The following FRK variants were observed in gnomAD, a reference collection of about 807,000 sequenced individuals.
FRK encodes the protein tyrosine-protein kinase FRK.
A neutral mutation model predicts 56.4 loss-of-function variants in FRK; 51 were observed. The ratio of observed to expected loss-of-function variants is 0.90; its 90% CI spans 0.72 to 1.14. The LOEUF (loss-of-function observed/expected upper bound fraction) is 1.14, where lower values mean the gene tolerates loss of function less well. Ranked by LOEUF, FRK falls within the 50% of genes most tolerant of loss-of-function variation. The pLI is 0.00. For synonymous variants in FRK, 245 were observed against 217.9 expected, an observed-to-expected ratio of 1.12 and a Z score of -1.10; for missense variants, 570 against 601.4, an observed-to-expected ratio of 0.95 and a Z score of 0.55.
At chr6:116,058,097 C>G (rs1483886338) in intron 1 of FRK, among the ~76,000 whole-genome samples, 1 of 151,874 alleles carries the variant, frequency 6.6e-6, no homozygotes, top group Non-Finnish European at 1.5e-5. Context: ...ATATTTAAAA[C>G]TAACAGATTA....
chr6:116,044,902 A>G (rs942413516), intron 1 of FRK, among the ~76,000 whole-genome samples: 2 of 152,250 alleles, frequency 1.3e-5, no homozygotes, highest in African/African-American at 4.8e-5. Context: ...TACAAAATCA[A>G]TGTGCAAAAT....
At chr6:115,983,397 T>C (rs992700977) in intron 2 of FRK, among the ~76,000 whole-genome samples, 4 of 152,162 alleles carry the variant, frequency 2.6e-5, no homozygotes, top group Admixed American at 1.3e-4. Context: ...CAAGTAACCT[T>C]GGAGCTACTG....
At chr6:115,983,988 T>G (rs997497963) in intron 2 of FRK, among the ~76,000 whole-genome samples, 1 of 152,172 alleles carries the variant, frequency 6.6e-6, no homozygotes, top group Non-Finnish European at 1.5e-5. Context: ...CTATGGTGTT[T>G]TCTATCTCTG....
At position 115,943,004 on chromosome 6, in the gene FRK, A is replaced by G; in HGVS notation, c.1306+16T>C. On this transcript the variant is annotated intron_variant, in intron 7 of 7. Transcript: ENST00000606080. ...GACATGCAGCAGAAAGGTCCACTTCAGAATTAATTACTCACCACTGTAAGG... is the reference window on the plus strand; with the variant it reads ...GACATGCAGCAGAAAGGTCCACTTCGGAATTAATTACTCACCACTGTAAGG... The G allele has an allele frequency of 6.2e-7, 1 of 1,604,958 alleles. No homozygotes were observed. Among genetic ancestry groups the G allele is most frequent in the Non-Finnish European group, 8.5e-7 (1 of 1,176,438 alleles).
chr6:116,067,315 C>T, the FRK span, among the ~76,000 whole-genome samples: 2 of 152,298 alleles, frequency 1.3e-5, no homozygotes, highest in South Asian at 4.1e-4. Flanking sequence ...GCCACTCAGT[C>T]TTTGGTACTT....
chr6:115,942,300 C>T lies in FRK; in HGVS notation c.*114G>A. ...TAATACATGGCCAACTTTATCCTAT[C>T]ACTTGAATATGTCAGGATAAACTGA... On this transcript the variant is annotated 3_prime_UTR_variant, in exon 8 of 8. Coordinates refer to ENST00000606080, the MANE Select transcript of FRK (RefSeq NM_002031.3). The T allele has an allele frequency of 1.2e-6, 1 of 860,848 alleles. No individual in the cohort carries two copies. Among genetic ancestry groups the T allele is most frequent in the Non-Finnish European group, 1.8e-6 (1 of 547,300 alleles). 53.3% of individuals were successfully genotyped at this position (860,848 alleles called of 1,614,324 possible).
the FRK span, among the ~76,000 whole-genome samples, chr6:116,076,536 T>A: frequency 9.3e-4 from 141 of 152,338 alleles, no homozygotes; most frequent in African/African-American, 3.3e-3. Flanking sequence ...ATAGCAATGA[T>A]AAGGAAGCAA....
In FRK at chr6:115,941,195, G is replaced by T. The variant is rs913695818; in HGVS notation, c.*1219C>A. The T allele has an allele frequency of 6.6e-6, 1 of 152,176 alleles. No homozygotes were observed. The highest frequency in any genetic ancestry group is 2.4e-5 in the African/African-American group (1 of 41,432). The allele number at this position is 152,176 out of a possible 1,614,324, so 9.4% of individuals were successfully genotyped here. Reference sequence around the variant, plus strand: ...AGGATGAGTTCATGTCCTTCACAGGGACATGGATAAAGCTGGAAACCATCA... The same window carrying T: ...AGGATGAGTTCATGTCCTTCACAGGTACATGGATAAAGCTGGAAACCATCA... On this transcript the variant is annotated 3_prime_UTR_variant, in exon 8 of 8. Transcript: ENST00000606080.
At chr6:116,054,642 G>A (rs1312115903) in intron 1 of FRK, among the ~76,000 whole-genome samples, 1 of 149,786 alleles carries the variant, frequency 6.7e-6, no homozygotes, top group East Asian at 1.9e-4. Context: ...TGTCTTAGAG[G>A]AGAGAACCCA....
the FRK span, among the ~76,000 whole-genome samples, chr6:116,099,188 A>G: frequency 9.9e-5 from 15 of 152,236 alleles, 1 homozygote; most frequent in Admixed American, 8.5e-4. Flanking sequence ...TTTCCTGTTC[A>G]CAATTCAGCA....
intron 2 of FRK, among the ~76,000 whole-genome samples, chr6:115,975,061 T>C: frequency 6.6e-6 from 1 of 152,176 alleles, no homozygotes; most frequent in East Asian, 1.9e-4. Context: ...ATTTCTGAGA[T>C]GTCTGCTGCA....
At position 115,956,380 on chromosome 6, in the gene FRK, G is replaced by C. The variant is rs1772990998; in HGVS notation, c.958+72C>G. ...ATATCCTTTCGGTTACAGAAGGCTTGCTAAATTGACACTTATGGGACTAGC... is the reference window on the plus strand; with the variant it reads ...ATATCCTTTCGGTTACAGAAGGCTTCCTAAATTGACACTTATGGGACTAGC... On this transcript the variant is annotated intron_variant, in intron 5 of 7. Coordinates refer to ENST00000606080, the MANE Select transcript of FRK (RefSeq NM_002031.3). 13 of 1,166,852 alleles carry C rather than the reference G, an allele frequency of 1.1e-5. No individual in the cohort carries two copies. The Admixed American group carries it at 3.4e-4, about 31-fold the overall frequency. The allele number at this position is 1,166,852 out of a possible 1,614,324, so 72.3% of individuals were successfully genotyped here.
At chr6:116,076,181 T>C in the FRK span, among the ~76,000 whole-genome samples, 2 of 152,194 alleles carry the variant, frequency 1.3e-5, no homozygotes, top group African/African-American at 4.8e-5. Flanking sequence ...ATATGATGAT[T>C]GCCAGATGAT....
intron 1 of FRK, among the ~76,000 whole-genome samples, chr6:116,053,974 A>G (rs1399030262): frequency 2.6e-5 from 4 of 152,044 alleles, no homozygotes; most frequent in Admixed American, 6.6e-5. Flanking sequence ...GGATTTTAAC[A>G]TAGTTGAATT....
At chr6:116,086,286 T>C in the FRK span, among the ~76,000 whole-genome samples, 5 of 152,206 alleles carry the variant, frequency 3.3e-5, no homozygotes, top group Non-Finnish European at 1.5e-5. Flanking sequence ...ATTTAGTAGG[T>C]AGTATTATCT....
intron 1 of FRK, among the ~76,000 whole-genome samples, chr6:116,053,649 C>CT (rs779983494): frequency 6.6e-6 from 1 of 152,082 alleles, no homozygotes; most frequent in Non-Finnish European, 1.5e-5. Flanking sequence ...GGGTTCTAAT[C>CT]TTTAAGACTG....
intron 2 of FRK, among the ~76,000 whole-genome samples, chr6:115,993,164 A>C (rs1206374659): frequency 6.6e-6 from 1 of 151,810 alleles, no homozygotes; most frequent in Non-Finnish European, 1.5e-5. Flanking sequence ...TAGATATACA[A>C]ATAAAGGCGA....
chr6:115,948,094 T>G (rs915731765), intron 5 of FRK, among the ~76,000 whole-genome samples: 3 of 152,210 alleles, frequency 2.0e-5, no homozygotes, highest in African/African-American at 7.2e-5. Context: ...TAAGAGGCTG[T>G]GACTTTGCCT....
intron 2 of FRK, among the ~76,000 whole-genome samples, chr6:116,003,022 G>A (rs549713491): frequency 1.6e-4 from 24 of 152,328 alleles, no homozygotes; most frequent in African/African-American, 4.8e-4. Flanking sequence ...GACACAATGA[G>A]GCAAATGGGC....
Sources: gnomAD v4.1 joint callset for allele counts (sites outside exome capture counted in the v4.1 genomes callset) on GRCh38, gnomAD v4.1.1 for gene constraint, MANE v1.5 for transcripts, NCBI Gene and HGNC (gene_info 2026-07-23, HGNC 2026-07-21) for gene names.